SLCO2A1: variants seen among roughly 807,000 people sequenced by gnomAD.
SLCO2A1 encodes the protein solute carrier organic anion transporter family member 2A1.
A neutral mutation model predicts 71.7 loss-of-function variants in SLCO2A1; 60 were observed. The ratio of observed to expected loss-of-function variants is 0.84; its 90% CI spans 0.68 to 1.04. The LOEUF is 1.04. Among genes scored for constraint, SLCO2A1 ranks in the 50% least tolerant of loss-of-function variants. SLCO2A1 has a pLI of 0.00. For missense variants in SLCO2A1, 745 were observed against 813.4 expected, an observed-to-expected ratio of 0.92 and a Z score of 1.02; for synonymous variants, 308 against 326.7, an observed-to-expected ratio of 0.94 and a Z score of 0.62.
intron 6 of SLCO2A1, 103 bp downstream of exon 6, chr3:133,951,105 A>G: frequency 6.7e-7 from 1 of 1,485,348 alleles, no homozygotes; most frequent in South Asian, 1.1e-5. Flanking sequence ...TTTCACCCTG[A>G]ATTTGCTTAA....
intron 1 of SLCO2A1, among the ~76,000 whole-genome samples, chr3:133,982,619 C>T (rs1213927005): frequency 1.3e-5 from 2 of 152,162 alleles, no homozygotes; most frequent in Non-Finnish European, 2.9e-5. Flanking sequence ...CCCTCCTCCT[C>T]ACCCTCTGGT....
intron 6 of SLCO2A1, 180 bp downstream of exon 6, chr3:133,951,028 G>T: frequency 1.3e-6 from 1 of 769,230 alleles, no homozygotes; most frequent in Non-Finnish European, 2.2e-6. Flanking sequence ...ACCACCTTTT[G>T]GAAATTCACC....
At chr3:133,969,706 C>T (rs755764943) in intron 3 of SLCO2A1, among the ~76,000 whole-genome samples, 1 of 152,188 alleles carries the variant, frequency 6.6e-6, no homozygotes, top group Non-Finnish European at 1.5e-5. Flanking sequence ...TCAGAACACA[C>T]TGAAAGTCAA....
intron 1 of SLCO2A1, among the ~76,000 whole-genome samples, chr3:134,004,611 G>A (rs1007235093): frequency 2.0e-5 from 3 of 152,182 alleles, no homozygotes; most frequent in African/African-American, 4.8e-5. Flanking sequence ...TGGGATTACA[G>A]GTGTGAGCCA....
Position 134,029,839 on chromosome 3 carries a change from G to C in SLCO2A1, c.-37C>G. On this transcript the variant is annotated 5_prime_UTR_variant, in exon 1 of 14. Coordinates refer to ENST00000310926, the MANE Select transcript of SLCO2A1 (RefSeq NM_005630.3). ...GCTGGCCGGGCGCGGAGTGGCGCGG[G>C]GTCGGGGCGCCTCGGGCTGGAGCGG... 4 of 1,281,734 alleles carry C rather than the reference G, an allele frequency of 3.1e-6. No homozygotes were observed. The highest frequency in any genetic ancestry group is 3.0e-6 in the Non-Finnish European group (3 of 997,848). 79.4% of individuals were successfully genotyped at this position (1,281,734 alleles called of 1,614,324 possible).
At position 134,029,759 on chromosome 3, in the gene SLCO2A1, G is replaced by A; in HGVS notation, c.44C>T (p.Thr15Ile). ...PKLGASQGSD[T>I]STSRAGRCAR... Reference sequence around the variant, plus strand: ...ACAGCGGCCGGCTCGGCTAGTAGAGGTGTCGCTGCCCTGGGACGCGCCGAG... The same window carrying A: ...ACAGCGGCCGGCTCGGCTAGTAGAGATGTCGCTGCCCTGGGACGCGCCGAG... Residue 15 changes from threonine (T) to isoleucine (I), a missense_variant, in exon 1 of 14, where the codon ACC (threonine) becomes ATC (isoleucine). Physicochemically the swap from Thr to Ile is moderately conservative, Grantham distance 89. Transcript: ENST00000310926. The A allele has an allele frequency of 6.3e-7, 1 of 1,582,296 alleles. No individual in the cohort carries two copies.
chr3:134,004,788 C>G (rs1319531190), intron 1 of SLCO2A1, among the ~76,000 whole-genome samples: 1 of 152,198 alleles, frequency 6.6e-6, no homozygotes, highest in East Asian at 1.9e-4. Flanking sequence ...GGCCAGGAAA[C>G]AGAGATCCTC....
chr3:133,960,895 G>A (rs1267262841), intron 3 of SLCO2A1, among the ~76,000 whole-genome samples: 1 of 152,030 alleles, frequency 6.6e-6, no homozygotes, highest in Admixed American at 6.5e-5. Context: ...GAAGATAAGG[G>A]TGGGGAAGTG....
intron 2 of SLCO2A1, among the ~76,000 whole-genome samples, chr3:133,975,260 T>C (rs540824704): frequency 3.9e-5 from 6 of 152,272 alleles, no homozygotes; most frequent in Non-Finnish European, 7.3e-5. Flanking sequence ...CCTGTCCTGG[T>C]CCTCCTTGTC....
chr3:134,015,788 A>T (rs1355686934), intron 1 of SLCO2A1, among the ~76,000 whole-genome samples: 3 of 152,176 alleles, frequency 2.0e-5, no homozygotes, highest in African/African-American at 7.2e-5. Flanking sequence ...AAAAATAAAG[A>T]CTTGCTCTAG....
chr3:134,025,343 C>A (rs1056427389), intron 1 of SLCO2A1, among the ~76,000 whole-genome samples: 1 of 152,050 alleles, frequency 6.6e-6, no homozygotes, highest in Non-Finnish European at 1.5e-5. Context: ...AAATGACCAA[C>A]CTGATGTGTG....
chr3:133,973,934 G>T (rs1397081910), intron 2 of SLCO2A1, 109 bp from the exon 3 acceptor site: 3 of 1,126,994 alleles, frequency 2.7e-6, no homozygotes, highest in Non-Finnish European at 2.5e-6. Context: ...GGAGGGGGCT[G>T]CCCAGTGTCA....
At chr3:133,947,211 C>G in intron 9 of SLCO2A1, 45 bp downstream of exon 9, 1 of 1,505,920 alleles carries the variant, frequency 6.6e-7, no homozygotes, top group Middle Eastern at 1.7e-4. Context: ...AGATCTAAGC[C>G]CTGGCCTTAT....
At chr3:134,004,006 C>T (rs1027868622) in intron 1 of SLCO2A1, among the ~76,000 whole-genome samples, 1 of 152,194 alleles carries the variant, frequency 6.6e-6, no homozygotes, top group Non-Finnish European at 1.5e-5. Flanking sequence ...CTGGGATCAT[C>T]CCTTCCTGAC....
intron 1 of SLCO2A1, among the ~76,000 whole-genome samples, chr3:134,024,405 G>T (rs1050099923): frequency 6.6e-6 from 1 of 152,254 alleles, no homozygotes; most frequent in African/African-American, 2.4e-5. Flanking sequence ...TAACAAAAAT[G>T]TAGATTAGAT....
intron 11 of SLCO2A1, among the ~76,000 whole-genome samples, chr3:133,940,053 C>T (rs543692041): frequency 6.6e-6 from 1 of 151,238 alleles, no homozygotes; most frequent in Admixed American, 6.6e-5. Flanking sequence ...CTGCAACCTC[C>T]ACTTCCCAGG....
At chr3:133,995,546 C>T (rs929456953) in intron 1 of SLCO2A1, among the ~76,000 whole-genome samples, 3 of 152,206 alleles carry the variant, frequency 2.0e-5, no homozygotes, top group Non-Finnish European at 4.4e-5. Flanking sequence ...TTCTACTTAT[C>T]CATCTTCCTG....
At chr3:134,016,151 A>G (rs1935451268) in intron 1 of SLCO2A1, among the ~76,000 whole-genome samples, 1 of 152,182 alleles carries the variant, frequency 6.6e-6, no homozygotes, top group Non-Finnish European at 1.5e-5. Context: ...ATGACACCAA[A>G]AGCAGGATCC....
At chr3:133,977,306 T>C (rs1226188881) in intron 2 of SLCO2A1, among the ~76,000 whole-genome samples, 1 of 152,108 alleles carries the variant, frequency 6.6e-6, no homozygotes, top group African/African-American at 2.4e-5. Flanking sequence ...TTTTAATGGG[T>C]GAATTATTTT....
Sources: gnomAD v4.1 joint callset for allele counts (sites outside exome capture counted in the v4.1 genomes callset) on GRCh38, gnomAD v4.1.1 for gene constraint, MANE v1.5 for transcripts, NCBI Gene and HGNC (gene_info 2026-07-23, HGNC 2026-07-21) for gene names.